The following CHMP7 variants were observed in gnomAD, a reference collection of about 807,000 sequenced individuals.
The protein encoded by CHMP7 is CHMP family, member 7.
Under a neutral mutation model 53.7 loss-of-function variants are expected in CHMP7, and 15 were observed. The observed-to-expected ratio is 0.28, with a 90% CI of 0.19 to 0.43. CHMP7 has a LOEUF of 0.43. Among genes scored for constraint, CHMP7 ranks in the 20% least tolerant of loss-of-function variants. The pLI is 1.00. For missense variants in CHMP7, 527 were observed against 569.4 expected, an observed-to-expected ratio of 0.93 and a Z score of 0.76; for synonymous variants, 261 against 228.0, an observed-to-expected ratio of 1.14 and a Z score of -1.30.
At chr8:23,248,019 C>T (rs564715746) in intron 2 of CHMP7, 26 of 455,644 alleles carry the variant, frequency 5.7e-5, no homozygotes, top group Non-Finnish European at 1.1e-4. Context: ...TTGATATTGC[C>T]CAGGATGGTC....
intron 4 of CHMP7, among the ~76,000 whole-genome samples, chr8:23,255,742 G>A (rs1397167319): frequency 1.3e-5 from 2 of 150,714 alleles, no homozygotes; most frequent in African/African-American, 2.4e-5. Flanking sequence ...CAGCATTGCA[G>A]TGGTTGTGTT....
At chr8:23,248,887 G>A (rs1801813102) in intron 2 of CHMP7, among the ~76,000 whole-genome samples, 1 of 152,242 alleles carries the variant, frequency 6.6e-6, no homozygotes, top group Non-Finnish European at 1.5e-5. Context: ...GAAGCCGCCT[G>A]TGTTTCTGTT....
Position 23,246,945 on chromosome 8 carries a change from A to G in CHMP7, c.250A>G (p.Lys84Glu). 6.4e-7 allele frequency: 1 copy of G among 1,554,310 alleles called. No individual in the cohort carries two copies. Among genetic ancestry groups the G allele is most frequent in the Non-Finnish European group, 8.7e-7 (1 of 1,151,912 alleles). ...GGACTTGCAGGAGGCCTTTCAGCGC[A>G]AGGGGAGCGTCCCGCTGGGGCTGGC... ...LRDLQEAFQR[K>E]GSVPLGLATV... The change falls in exon 2 of 11, where the codon AAG becomes GAG. Residue 84 changes from lysine to glutamate, a missense_variant. By Grantham distance (56) the Lys-to-Glu change is moderately conservative. Transcript: ENST00000397677.
chr8:23,247,145 A>G, intron 2 of CHMP7, 151 bp downstream of exon 2: 1 of 699,088 alleles, frequency 1.4e-6, no homozygotes. Flanking sequence ...AAGGCGAAGA[A>G]GGAAAATAAG....
At chr8:23,260,419 C>T in intron 10 of CHMP7, 96 bp downstream of exon 10, 2 of 1,535,294 alleles carry the variant, frequency 1.3e-6, no homozygotes, top group South Asian at 1.1e-5. Context: ...TGCCAGAGTA[C>T]CAGAGCCCTG....
rs765842537 is a variant in CHMP7 at position 23,246,956 on chromosome 8, C to T, written c.261C>T (p.Val87=). 6.5e-6 allele frequency: 10 copies of T among 1,548,288 alleles called. No homozygotes were observed. The African/African-American group carries it at 1.2e-4, about 19-fold the overall frequency. The change falls in exon 2 of 11, where the codon GTC becomes GTT. Residue 87 remains valine, a synonymous_variant. Coordinates refer to ENST00000397677, the MANE Select transcript of CHMP7 (RefSeq NM_152272.5). ...LQEAFQRKGS[V]PLGLATVLQD... Reference sequence around the variant, plus strand: ...AGGCCTTTCAGCGCAAGGGGAGCGTCCCGCTGGGGCTGGCCACGGTGCTGC... The same window carrying T: ...AGGCCTTTCAGCGCAAGGGGAGCGTTCCGCTGGGGCTGGCCACGGTGCTGC...
chr8:23,254,756 A>G, intron 3 of CHMP7: 1 of 207,032 alleles, frequency 4.8e-6, no homozygotes, highest in South Asian at 9.0e-5. Context: ...TGTTTGCAGT[A>G]TAGCCAATTG....
rs1415810791 is a variant in CHMP7, at chr8:23,260,793, G to T, written c.*194G>T. 1.6e-6 allele frequency: 1 copy of T among 612,280 alleles called. No homozygotes were observed. Among genetic ancestry groups the T allele is most frequent in the African/African-American group, 1.8e-5 (1 of 54,088 alleles). The allele number at this position is 612,280 out of a possible 1,614,324, so 37.9% of individuals were successfully genotyped here. ...GCGATGCTCCAAAGGCTTGCTCCCA[G>T]CTGTATCATGGACCTGCCTTCTCAT... On this transcript the variant is annotated 3_prime_UTR_variant, in exon 11 of 11. Transcript: ENST00000397677.
chr8:23,252,539 A>G (rs1801974698), intron 3 of CHMP7: 1 of 152,190 alleles, frequency 6.6e-6, no homozygotes, highest in South Asian at 2.1e-4. Context: ...AGATAGATAT[A>G]TATAATGTAT....
chr8:23,258,673 A>T, intron 7 of CHMP7, 59 bp from the exon 8 acceptor site: 1 of 1,323,812 alleles, frequency 7.6e-7, no homozygotes, highest in Non-Finnish European at 1.1e-6. Context: ...TTGAAACAAT[A>T]TTGTATGTAT....
At position 23,250,620 on chromosome 8, in the gene CHMP7, CTGTGTGTGTGTGTGTGTG is replaced by C. The variant is rs59970101; in HGVS notation, c.471+1267_471+1284del. 6.2e-3 allele frequency among the ~76,000 whole-genome samples: 893 copies of C among 143,394 alleles called. 15 individuals carry two copies. Among genetic ancestry groups the C allele is most frequent in the African/African-American group, 0.021 (776 of 37,768 alleles). The allele number at this position is 143,394 out of a possible 152,430, so 94.1% of individuals were successfully genotyped here. On this transcript the variant is annotated intron_variant, in intron 3 of 10. Coordinates refer to ENST00000397677, the MANE Select transcript of CHMP7 (RefSeq NM_152272.5). ...CTGCTGTGGATGAGGTGATAGGGGC[CTGTGTGTGTGTGTGTGTG>C]TGTGTGTGTGTGTGTGTGTGTGTGT...
chr8:23,253,339 A>C (rs141384408), intron 3 of CHMP7, among the ~76,000 whole-genome samples: 109 of 152,356 alleles, frequency 7.2e-4, no homozygotes, highest in African/African-American at 2.3e-3. Flanking sequence ...GCTGTAGTGC[A>C]GTGGCACAAT....
chr8:23,246,973 C>G lies in CHMP7; in HGVS notation c.278C>G (p.Thr93Arg). ...RKGSVPLGLA[T>R]VLQDLLRRGE... is the part of the protein sequence containing the mutation. Reference sequence around the variant, plus strand: ...GGGAGCGTCCCGCTGGGGCTGGCCACGGTGCTGCAGGACCTGCTGCGGTGA... The same window carrying G: ...GGGAGCGTCCCGCTGGGGCTGGCCAGGGTGCTGCAGGACCTGCTGCGGTGA... Residue 93 changes from threonine to arginine, a missense_variant, in exon 2 of 11, where the codon ACG (threonine) becomes AGG (arginine). Thr to Arg is a moderately conservative substitution (Grantham distance 71, BLOSUM62 -1). Transcript: ENST00000397677. The G allele has an allele frequency of 1.9e-6, 3 of 1,540,322 alleles. No individual in the cohort carries two copies. Among genetic ancestry groups the G allele is most frequent in the Non-Finnish European group, 2.6e-6 (3 of 1,147,350 alleles).
Position 23,246,520 on chromosome 8 carries a change from G to A in CHMP7, c.-176G>A, listed in dbSNP as rs964234820. ...TTCATCATACTGCCTCCTGGCTGAC[G>A]GAGCGCAGCGCAACGCATGCGCCTT... is the stretch of plus-strand genomic sequence containing the variant. On this transcript the variant is annotated 5_prime_UTR_variant, in exon 2 of 11. Transcript: ENST00000397677. 3 of 613,724 alleles carry A rather than the reference G, an allele frequency of 4.9e-6. No homozygotes were observed. Among genetic ancestry groups the A allele is most frequent in the Non-Finnish European group, 5.7e-6 (2 of 351,486 alleles). 38.0% of individuals were successfully genotyped at this position (613,724 alleles called of 1,614,324 possible). A position where few individuals can be genotyped will look rare whatever the true frequency, so the allele number is the denominator to read the frequency against.
intron 3 of CHMP7, among the ~76,000 whole-genome samples, chr8:23,253,903 A>G (rs1802026463): frequency 2.6e-5 from 4 of 152,020 alleles, no homozygotes; most frequent in South Asian, 2.1e-4. Flanking sequence ...TCGTCTCCCA[A>G]TTGGCAGTTA....
chr8:23,249,071 G>A (rs182968146), intron 2 of CHMP7, 139 bp from the exon 3 acceptor site: 39 of 587,756 alleles, frequency 6.6e-5, no homozygotes, highest in Non-Finnish European at 9.9e-5. Flanking sequence ...GCTGCGTGTC[G>A]TTGGCACAGC....
chr8:23,260,706 G>T lies in CHMP7; in HGVS notation c.*107G>T. 1.1e-6 allele frequency: 1 copy of T among 885,108 alleles called. No individual in the cohort carries two copies. Among genetic ancestry groups the T allele is most frequent in the Non-Finnish European group, 1.9e-6 (1 of 532,364 alleles). 54.8% of individuals were successfully genotyped at this position (885,108 alleles called of 1,614,324 possible). On this transcript the variant is annotated 3_prime_UTR_variant, in exon 11 of 11. Transcript: ENST00000397677. ...CAGAATGTGTTTGGAAGAGGAGAAA[G>T]GAGAACCACTGATTTTATCTGGATG...
Position 23,260,475 on chromosome 8 carries a change from C to A in CHMP7, c.1301-63C>A. 3 of 1,533,618 alleles carry A rather than the reference C, an allele frequency of 2.0e-6. No individual in the cohort carries two copies. The South Asian group carries it at 3.4e-5, about 17-fold the overall frequency. ...ATATTAAGACTCAGTCTCTTAATCA[C>A]TGGAATGCCTTCATCTTCAAGATTT... On this transcript the variant is annotated intron_variant, in intron 10 of 10. Coordinates refer to ENST00000397677, the MANE Select transcript of CHMP7 (RefSeq NM_152272.5).
At chr8:23,248,027 G>A (rs1801778617) in intron 2 of CHMP7, 2 of 455,632 alleles carry the variant, frequency 4.4e-6, no homozygotes, top group Non-Finnish European at 4.4e-6. Context: ...GCCCAGGATG[G>A]TCTCGAACTC....
Sources: allele counts gnomAD v4.1 joint callset (sites outside exome capture counted in the v4.1 genomes callset), GRCh38; gene constraint gnomAD v4.1.1; transcripts MANE v1.5; gene names NCBI Gene and HGNC (gene_info 2026-07-23, HGNC 2026-07-21).